Variants in RNF168 observed in about 807,000 individuals in gnomAD.
The protein encoded by RNF168 is ring finger protein 168.
Under a neutral mutation model 34.9 loss-of-function variants are expected in RNF168, and 34 were observed. The ratio of observed to expected loss-of-function variants is 0.97; its 90% confidence interval spans 0.74 to 1.30. The LOEUF is 1.30. Among genes scored for constraint, RNF168 ranks in the 50% most tolerant of loss-of-function variants. RNF168 has a pLI of 0.00. For missense variants in RNF168, 725 were observed against 682.5 expected (o/e 1.06, Z -0.69); for synonymous variants, 264 against 254.7 (o/e 1.04, Z -0.35).
At chr3:196,476,847 A>C (rs146841470) in intron 4 of RNF168, among the ~76,000 whole-genome samples, 2,100 of 151,970 alleles carry the variant, frequency 0.014, 25 homozygotes, top group Middle Eastern at 0.088. Flanking sequence ...TCCCGGGTTC[A>C]AGTGATTCTC....
intron 4 of RNF168, among the ~76,000 whole-genome samples, chr3:196,475,869 C>CT (rs1349842293): frequency 1.6e-5 from 2 of 126,990 alleles, no homozygotes; most frequent in Admixed American, 8.2e-5. Flanking sequence ...TTTTTCTTTT[C>CT]TTTTTTTTGA....
intron 2 of RNF168, 146 bp from the exon 3 acceptor site, chr3:196,487,724 A>T: frequency 1.2e-6 from 1 of 830,040 alleles, no homozygotes; most frequent in Non-Finnish European, 2.0e-6. Flanking sequence ...GGAGAAGTAG[A>T]TTCCTGCAAG....
intron 2 of RNF168, among the ~76,000 whole-genome samples, chr3:196,488,038 T>C (rs1024752651): frequency 2.0e-5 from 3 of 152,174 alleles, no homozygotes; most frequent in Admixed American, 6.5e-5. Flanking sequence ...GAAATAAAAA[T>C]ATATCCTGGT....
At chr3:196,485,505 TA>T (rs1398199106) in intron 3 of RNF168, among the ~76,000 whole-genome samples, 7 of 151,178 alleles carry the variant, frequency 4.6e-5, no homozygotes, top group African/African-American at 1.7e-4. Context: ...AAAAAAAAGT[TA>T]AAAAAATTAT....
intron 1 of RNF168, among the ~76,000 whole-genome samples, chr3:196,502,553 A>C (rs1290736781): frequency 3.3e-5 from 5 of 150,088 alleles, no homozygotes; most frequent in Non-Finnish European, 7.4e-5. Flanking sequence ...GCGCCACTGC[A>C]CTCCAGCCTG....
intron 1 of RNF168, among the ~76,000 whole-genome samples, chr3:196,490,057 C>T (rs913365451): frequency 2.6e-5 from 4 of 152,202 alleles, no homozygotes; most frequent in Admixed American, 6.5e-5. Context: ...AACGTCTGCC[C>T]ATCACCAATA....
intron 4 of RNF168, 197 bp from the exon 5 acceptor site, chr3:196,475,509 G>A: frequency 8.1e-6 from 4 of 490,894 alleles, no homozygotes; most frequent in South Asian, 4.9e-5. Context: ...ATATTTTAGT[G>A]AAAAACAGAA....
At chr3:196,482,319 A>C (rs1732314787) in intron 4 of RNF168, among the ~76,000 whole-genome samples, 1 of 152,208 alleles carries the variant, frequency 6.6e-6, no homozygotes. Context: ...CATAAAATGG[A>C]ATGCCACATT....
chr3:196,498,216 G>A (rs892651459), intron 1 of RNF168, among the ~76,000 whole-genome samples: 8 of 152,082 alleles, frequency 5.3e-5, no homozygotes, highest in African/African-American at 1.7e-4. Context: ...AGAGTGCAGT[G>A]GCGCGATCTA....
rs184404700 is a variant in RNF168, at chr3:196,478,191, T to C, written c.681-2879A>G. Among the ~76,000 whole-genome samples, 256 of 152,298 alleles carry C rather than the reference T, an allele frequency of 1.7e-3. 1 individual carries two copies. The highest frequency in any genetic ancestry group is 6.0e-3 in the African/African-American group (248 of 41,560). On this transcript the variant is annotated intron_variant, in intron 4 of 5. Transcript: ENST00000318037. ...TCTGAATTTTTGGGATCCATTCCCA[T>C]TTGCTTCCTTTTATGTTTTAAATTA...
chr3:196,471,885 A>T lies in RNF168; in HGVS notation c.1650T>A (p.Ala550=), dbSNP rs1032463032. ...TRDHCKVSKS[A]HSLQPSISQK... is the part of the protein sequence containing the mutation. ...GTGAAATGCTAGGCTGTAGGGAGTG[A>T]GCACTTTTGGATACCTTACAGTGAT... The change falls in exon 6 of 6, where the codon GCT becomes GCA. Residue 550 remains alanine, a synonymous_variant. Transcript: ENST00000318037. 1.9e-6 allele frequency: 3 copies of T among 1,614,104 alleles called. No homozygotes were observed. Among genetic ancestry groups the T allele is most frequent in the Non-Finnish European group, 2.5e-6 (3 of 1,179,990 alleles).
At chr3:196,495,286 T>C (rs1306380796) in intron 1 of RNF168, among the ~76,000 whole-genome samples, 1 of 152,190 alleles carries the variant, frequency 6.6e-6, no homozygotes, top group Non-Finnish European at 1.5e-5. Flanking sequence ...ATCTCTTGAT[T>C]TGATATACAA....
chr3:196,476,142 G>A (rs2108645747), intron 4 of RNF168, among the ~76,000 whole-genome samples: 1 of 152,212 alleles, frequency 6.6e-6, no homozygotes, highest in East Asian at 1.9e-4. Flanking sequence ...TTACAGCCGT[G>A]AGCCACTGCG....
At chr3:196,488,047 G>A (rs1732499733) in intron 2 of RNF168, among the ~76,000 whole-genome samples, 1 of 151,826 alleles carries the variant, frequency 6.6e-6, no homozygotes, top group Non-Finnish European at 1.5e-5. Flanking sequence ...ATATATCCTG[G>A]TATGGATTAA....
At chr3:196,502,371 G>A (rs374071796) in intron 1 of RNF168, among the ~76,000 whole-genome samples, 20 of 152,238 alleles carry the variant, frequency 1.3e-4, no homozygotes, top group African/African-American at 4.3e-4. Context: ...CGGATCCCTT[G>A]AGGTCAGGAG....
In RNF168 at chr3:196,471,650, T is replaced by C. The variant is rs1225009705; in HGVS notation, c.*169A>G. Reference sequence around the variant, plus strand: ...GGGACCCCTGCTTACCGCTGAGCTGTGCAGAAGCTCATGTGTCTATGCAGT... The same window carrying C: ...GGGACCCCTGCTTACCGCTGAGCTGCGCAGAAGCTCATGTGTCTATGCAGT... On this transcript the variant is annotated 3_prime_UTR_variant, in exon 6 of 6. Transcript: ENST00000318037. 1.4e-5 allele frequency: 9 copies of C among 647,256 alleles called. No individual in the cohort carries two copies. The highest frequency in any genetic ancestry group is 2.5e-5 in the Non-Finnish European group (9 of 357,808). The allele number at this position is 647,256 out of a possible 1,614,324, so 40.1% of individuals were successfully genotyped here. A position where few individuals can be genotyped will look rare whatever the true frequency, so the allele number is the denominator to read the frequency against.
chr3:196,501,899 A>G (rs1269550964), intron 1 of RNF168, among the ~76,000 whole-genome samples: 2 of 151,950 alleles, frequency 1.3e-5, no homozygotes, highest in African/African-American at 2.4e-5. Flanking sequence ...CCAACCGCAC[A>G]CTTTTAGTAG....
At chr3:196,473,430 C>T (rs1456690001) in intron 5 of RNF168, among the ~76,000 whole-genome samples, 3 of 152,300 alleles carry the variant, frequency 2.0e-5, no homozygotes, top group African/African-American at 7.2e-5. Flanking sequence ...GATCTACCAG[C>T]CAGTCTAATA....
At chr3:196,483,737 G>C in intron 4 of RNF168, 33 bp downstream of exon 4, 1 of 1,584,022 alleles carries the variant, frequency 6.3e-7, no homozygotes, top group South Asian at 1.1e-5. Flanking sequence ...ACAGTAGGAG[G>C]TCAACAAATA....
Sources: gnomAD v4.1 joint callset for allele counts (sites outside exome capture counted in the v4.1 genomes callset) on GRCh38, gnomAD v4.1.1 for gene constraint, MANE v1.5 for transcripts, NCBI Gene and HGNC (gene_info 2026-07-23, HGNC 2026-07-21) for gene names.